The following RANBP3L variants were observed in gnomAD, a reference collection of about 807,000 sequenced individuals.
RANBP3L encodes the protein RAN binding protein 3 like, also known as ran-binding protein 3-like.
A neutral mutation model predicts 67.2 loss-of-function variants in RANBP3L; 56 were observed. That is an observed-to-expected ratio of 0.83 (90% CI 0.67 to 1.04). The LOEUF is 1.04. RANBP3L is among the 50% of genes least tolerant of loss of function. The pLI is 0.00. For missense variants in RANBP3L, 496 were observed against 535.5 expected (o/e 0.93, Z 0.73); for synonymous variants, 164 against 181.4 (o/e 0.90, Z 0.77).
intron 8 of RANBP3L, among the ~76,000 whole-genome samples, chr5:36,259,957 A>C (rs1749253112): frequency 6.6e-6 from 1 of 152,148 alleles, no homozygotes. Flanking sequence ...TTCACTAGGC[A>C]AGTATATTCT....
At chr5:36,267,622 C>T (rs1749903897) in intron 4 of RANBP3L, among the ~76,000 whole-genome samples, 1 of 152,008 alleles carries the variant, frequency 6.6e-6, no homozygotes, top group African/African-American at 2.4e-5. Context: ...GCAAACTTAA[C>T]TTGGAAAAGG....
At chr5:36,282,640 C>A (rs1010286231) in intron 1 of RANBP3L, among the ~76,000 whole-genome samples, 1 of 152,126 alleles carries the variant, frequency 6.6e-6, no homozygotes, top group African/African-American at 2.4e-5. Context: ...GAAGAAAAAG[C>A]TCCTTGTTTC....
rs1447650220 is a variant in RANBP3L at position 36,251,495 on chromosome 5, C to G, written c.1172G>C (p.Ser391Thr). 8.8e-6 allele frequency: 14 copies of G among 1,598,994 alleles called. No homozygotes were observed. The highest frequency in any genetic ancestry group is 1.2e-5 in the Non-Finnish European group (14 of 1,170,542). Residue 391 changes from serine (S) to threonine (T), a missense_variant, in exon 13 of 14, where the codon AGT becomes ACT. By Grantham distance (58) the Ser-to-Thr change is moderately conservative. Transcript: ENST00000296604. ...YSIKIFLIQASAQDTAYLYAA... is the reference protein window; with the variant it reads ...YSIKIFLIQATAQDTAYLYAA... ...ATACAAATATGCTGTATCTTGGGCA[C>G]TGGCCTGCATGAGGAACATTAAATT...
rs1235938778 is a variant in RANBP3L, at chr5:36,266,645, T to C, written c.269-1125A>G. 2.0e-5 allele frequency among the ~76,000 whole-genome samples: 3 copies of C among 152,206 alleles called. No individual in the cohort carries two copies. In the East Asian group the frequency reaches 5.8e-4, roughly 29 times the overall value. Reference sequence around the variant, plus strand: ...TGTGAGTGTCCAGTAAAAAATGAATTAAAGCACGTGCATAGATAACTTAAA... The same window carrying C: ...TGTGAGTGTCCAGTAAAAAATGAATCAAAGCACGTGCATAGATAACTTAAA... On this transcript the variant is annotated intron_variant, in intron 4 of 13. Transcript: ENST00000296604.
chr5:36,284,627 G>T (rs1751198912), intron 1 of RANBP3L, among the ~76,000 whole-genome samples: 1 of 152,186 alleles, frequency 6.6e-6, no homozygotes, highest in Non-Finnish European at 1.5e-5. Context: ...CTCCAAGGCT[G>T]TATCAGTCCT....
At position 36,277,884 on chromosome 5, in the gene RANBP3L, G is replaced by C. The variant is rs1382769870; in HGVS notation, c.92-6573C>G. 2.0e-5 allele frequency among the ~76,000 whole-genome samples: 3 copies of C among 152,158 alleles called. No individual in the cohort carries two copies. In the East Asian group the frequency reaches 5.8e-4, roughly 29 times the overall value. ...CTGAGGAGGCCTCACAATCATGGTG[G>C]AAGGTGAGAAGCTCATCTTACATGC... On this transcript the variant is annotated intron_variant, in intron 1 of 13. Transcript: ENST00000296604.
chr5:36,296,556 G>T (rs149657662), intron 1 of RANBP3L, among the ~76,000 whole-genome samples: 9 of 152,288 alleles, frequency 5.9e-5, no homozygotes, highest in African/African-American at 2.2e-4. Flanking sequence ...GTGGCAGAAA[G>T]TACATTGAAA....
At chr5:36,285,581 T>C (rs1214579551) in intron 1 of RANBP3L, among the ~76,000 whole-genome samples, 12 of 152,226 alleles carry the variant, frequency 7.9e-5, no homozygotes. Context: ...CTGCTTTTGG[T>C]TATCACAGTT....
chr5:36,298,156 C>T (rs1345705338), intron 1 of RANBP3L, among the ~76,000 whole-genome samples: 4 of 151,708 alleles, frequency 2.6e-5, no homozygotes, highest in African/African-American at 9.7e-5. Flanking sequence ...AAAAATTAGC[C>T]AGGCATGGTG....
intron 12 of RANBP3L, 26 bp downstream of exon 12, chr5:36,253,618 ATCT>A (rs1430022751): frequency 1.3e-6 from 2 of 1,541,426 alleles, no homozygotes; most frequent in Admixed American, 1.7e-5. Context: ...TAGTAGGATA[ATCT>A]TCTATCACTG....
In RANBP3L at chr5:36,301,456, C is replaced by A. The variant is rs1312779799; in HGVS notation, c.-40G>T. On this transcript the variant is annotated 5_prime_UTR_variant, in exon 1 of 14. Coordinates refer to ENST00000296604, the MANE Select transcript of RANBP3L (RefSeq NM_145000.5). ...GGCTGTGACTCAAGGATCACTAGGGCACCTCCTTCTCTGGCCAGTCACCTA... is the reference window on the plus strand; with the variant it reads ...GGCTGTGACTCAAGGATCACTAGGGAACCTCCTTCTCTGGCCAGTCACCTA... 1.3e-6 allele frequency: 2 copies of A among 1,510,586 alleles called. No homozygotes were observed. The highest frequency in any genetic ancestry group is 2.2e-5 in the South Asian group (2 of 88,970). The allele number at this position is 1,510,586 out of a possible 1,614,324, so 93.6% of individuals were successfully genotyped here.
chr5:36,277,962 A>T (rs1750712774), intron 1 of RANBP3L, among the ~76,000 whole-genome samples: 1 of 152,052 alleles, frequency 6.6e-6, no homozygotes, highest in Non-Finnish European at 1.5e-5. Flanking sequence ...CCTTTATAAA[A>T]CCACCAGATC....
intron 1 of RANBP3L, among the ~76,000 whole-genome samples, chr5:36,291,330 CT>C (rs985740727): frequency 6.6e-6 from 1 of 150,558 alleles, no homozygotes; most frequent in South Asian, 2.1e-4. Flanking sequence ...TTTCATTTAA[CT>C]TTTTTATTTT....
At chr5:36,256,614 C>G (rs566141386) in intron 10 of RANBP3L, among the ~76,000 whole-genome samples, 1 of 151,950 alleles carries the variant, frequency 6.6e-6, no homozygotes, top group African/African-American at 2.4e-5. Flanking sequence ...CATTGTTAAA[C>G]GTGTAAGTAG....
At chr5:36,254,241 G>A (rs923320728) in intron 11 of RANBP3L, among the ~76,000 whole-genome samples, 38 of 151,942 alleles carry the variant, frequency 2.5e-4, no homozygotes, top group African/African-American at 8.9e-4. Flanking sequence ...ATATGTAAAA[G>A]AAAAAATTAG....
chr5:36,284,958 G>T (rs1056348386), intron 1 of RANBP3L, among the ~76,000 whole-genome samples: 1 of 152,172 alleles, frequency 6.6e-6, no homozygotes, highest in South Asian at 2.1e-4. Flanking sequence ...CAGGTACTTA[G>T]CTGAACATCT....
chr5:36,266,883 A>G lies in RANBP3L; in HGVS notation c.269-1363T>C, dbSNP rs569205449. Among the ~76,000 whole-genome samples, 90 of 152,238 alleles carry G rather than the reference A, an allele frequency of 5.9e-4. 1 individual carries two copies. The South Asian group carries it at 0.018, about 31-fold the overall frequency. ...GCGATTCTCTTGCCTCAGCGCCCCAAGTAGCTGGAACTACAGGCGTGCAAC... is the reference window on the plus strand; with the variant it reads ...GCGATTCTCTTGCCTCAGCGCCCCAGGTAGCTGGAACTACAGGCGTGCAAC... On this transcript the variant is annotated intron_variant, in intron 4 of 13. Coordinates refer to ENST00000296604, the MANE Select transcript of RANBP3L (RefSeq NM_145000.5).
At chr5:36,264,092 A>G (rs1228233313) in intron 6 of RANBP3L, among the ~76,000 whole-genome samples, 2 of 152,216 alleles carry the variant, frequency 1.3e-5, no homozygotes, top group Non-Finnish European at 2.9e-5. Context: ...TGCTGATATA[A>G]AAAGATGTTG....
intron 1 of RANBP3L, among the ~76,000 whole-genome samples, chr5:36,274,410 G>A (rs900412382): frequency 6.6e-6 from 1 of 152,054 alleles, no homozygotes; most frequent in African/African-American, 2.4e-5. Flanking sequence ...TCCAGGAGAG[G>A]TGATATTTAG....
Sources: allele counts gnomAD v4.1 joint callset (sites outside exome capture counted in the v4.1 genomes callset), GRCh38; gene constraint gnomAD v4.1.1; transcripts MANE v1.5; gene names NCBI Gene and HGNC (gene_info 2026-07-23, HGNC 2026-07-21).